DAB1: variants seen among roughly 807,000 people sequenced by gnomAD.
The protein encoded by DAB1 is DAB adaptor protein 1.
Under a neutral mutation model 64.6 loss-of-function variants are expected in DAB1, and 15 were observed. The ratio of observed to expected loss-of-function variants is 0.23; its 90% CI spans 0.16 to 0.36. The LOEUF is 0.36. Ranked by LOEUF, DAB1 falls within the 10% of genes least tolerant of loss-of-function variation. The probability of loss-of-function intolerance (pLI) is 1.00; values close to 1 mark genes in which losing one functional copy is unlikely to be tolerated. For missense variants in DAB1, 596 were observed against 706.7 expected (o/e 0.84, Z 1.78); for synonymous variants, 235 against 251.9 (o/e 0.93, Z 0.64).
At chr1:57,736,306 T>C (rs1186806260) in intron 6 of DAB1, among the ~76,000 whole-genome samples, 2 of 152,206 alleles carry the variant, frequency 1.3e-5, no homozygotes, top group African/African-American at 4.8e-5. Context: ...CCAGTGAGGA[T>C]GCTAGGACCC....
At chr1:57,280,716 T>C (rs1671821220) in intron 2 of DAB1, among the ~76,000 whole-genome samples, 1 of 152,166 alleles carries the variant, frequency 6.6e-6, no homozygotes, top group Non-Finnish European at 1.5e-5. Context: ...CCAGACATGA[T>C]TGGACACACA....
chr1:57,357,323 C>T (rs1343615504), intron 1 of DAB1, among the ~76,000 whole-genome samples: 1 of 151,986 alleles, frequency 6.6e-6, no homozygotes, highest in African/African-American at 2.4e-5. Flanking sequence ...TGATCTGATG[C>T]ATAACCTTTA....
chr1:57,768,321 T>A (rs1312029544), intron 6 of DAB1, among the ~76,000 whole-genome samples: 3 of 151,934 alleles, frequency 2.0e-5, no homozygotes, highest in Admixed American at 2.0e-4. Context: ...GGTGATAATG[T>A]TAGGACTACC....
At chr1:58,452,712 C>T (rs1489719345) in intron 3 of DAB1, among the ~76,000 whole-genome samples, 2 of 151,470 alleles carry the variant, frequency 1.3e-5, no homozygotes, top group African/African-American at 4.9e-5. Flanking sequence ...TGTACTACTC[C>T]CAGCTACTCA....
chr1:57,707,105 C>A (rs12037604), intron 6 of DAB1, among the ~76,000 whole-genome samples: 44,607 of 151,646 alleles, frequency 0.29, 6,780 homozygotes, highest in East Asian at 0.45. Context: ...AAAAACCCCC[C>A]AAAAAACAGA....
intron 7 of DAB1, among the ~76,000 whole-genome samples, chr1:57,463,523 C>G (rs1372745337): frequency 6.6e-6 from 1 of 152,062 alleles, no homozygotes; most frequent in African/African-American, 2.4e-5. Context: ...AAGGGAAGAT[C>G]CCTAGGATGA....
intron 4 of DAB1, among the ~76,000 whole-genome samples, chr1:58,238,291 AATGCTTCCCAGAGGAAATG>A (rs573041775): frequency 1.5e-3 from 229 of 152,350 alleles, no homozygotes; most frequent in African/African-American, 5.4e-3. Flanking sequence ...AGTAACAAAG[AATGCTTCCCAGAGGAAATG>A]ATGCTTCCAT....
At chr1:58,095,233 C>T (rs969697114) in intron 5 of DAB1, among the ~76,000 whole-genome samples, 9 of 152,272 alleles carry the variant, frequency 5.9e-5, no homozygotes, top group East Asian at 1.9e-4. Flanking sequence ...ACAAACTCTT[C>T]GCATGTACTT....
chr1:58,259,933 T>G (rs1191297689), intron 4 of DAB1, among the ~76,000 whole-genome samples: 1 of 152,208 alleles, frequency 6.6e-6, no homozygotes, highest in Non-Finnish European at 1.5e-5. Flanking sequence ...TTATACATAT[T>G]AAACCATTTA....
chr1:57,621,579 G>GT (rs1315845956), intron 7 of DAB1, among the ~76,000 whole-genome samples: 1 of 152,026 alleles, frequency 6.6e-6, no homozygotes, highest in African/African-American at 2.4e-5. Context: ...CTAGGCGATT[G>GT]TAAGTTCCTC....
At chr1:58,145,085 A>G (rs1654512920) in intron 5 of DAB1, among the ~76,000 whole-genome samples, 1 of 152,228 alleles carries the variant, frequency 6.6e-6, no homozygotes, top group East Asian at 1.9e-4. Context: ...AACCTTTTGT[A>G]CTTGCTAAAT....
chr1:57,021,605 G>A (rs1480352939), intron 11 of DAB1, among the ~76,000 whole-genome samples: 1 of 152,162 alleles, frequency 6.6e-6, no homozygotes, highest in Non-Finnish European at 1.5e-5. Context: ...GGCCTACCCA[G>A]CCATGTGGAA....
intron 2 of DAB1, among the ~76,000 whole-genome samples, chr1:58,510,991 G>A (rs1426028570): frequency 6.6e-6 from 1 of 151,944 alleles, no homozygotes; most frequent in Non-Finnish European, 1.5e-5. Flanking sequence ...CAAATAAATG[G>A]AAAGACATCC....
At chr1:57,714,778 G>A (rs1310557432) in intron 6 of DAB1, among the ~76,000 whole-genome samples, 1 of 152,162 alleles carries the variant, frequency 6.6e-6, no homozygotes, top group African/African-American at 2.4e-5. Context: ...CTTGTAGGGT[G>A]TAAGCAAGAC....
chr1:57,062,293 G>A (rs372038038), intron 9 of DAB1, among the ~76,000 whole-genome samples: 15 of 152,066 alleles, frequency 9.9e-5, no homozygotes, highest in African/African-American at 3.4e-4. Context: ...TCACGCTTTG[G>A]CTGAACTTTT....
intron 7 of DAB1, among the ~76,000 whole-genome samples, chr1:57,627,067 T>C (rs1024487210): frequency 6.6e-6 from 1 of 152,080 alleles, no homozygotes; most frequent in Non-Finnish European, 1.5e-5. Context: ...TCCTCCCCAG[T>C]GTGAGGGAGA....
At chr1:57,835,881 A>G (rs751944028) in intron 1 of DAB1, among the ~76,000 whole-genome samples, 1 of 152,170 alleles carries the variant, frequency 6.6e-6, no homozygotes, top group Non-Finnish European at 1.5e-5. Context: ...TAGGTCACCA[A>G]TGCCCCATGA....
chr1:58,034,926 C>T (rs1036234403), intron 5 of DAB1, among the ~76,000 whole-genome samples: 5 of 152,200 alleles, frequency 3.3e-5, no homozygotes, highest in Admixed American at 6.5e-5. Flanking sequence ...GCTGCTTCTC[C>T]TCTCAAGTGG....
intron 2 of DAB1, among the ~76,000 whole-genome samples, chr1:57,194,994 T>C (rs1664506069): frequency 6.6e-6 from 1 of 152,140 alleles, no homozygotes; most frequent in African/African-American, 2.4e-5. Flanking sequence ...TGTAATAACT[T>C]TGGGTCTTGG....
Sources: gnomAD v4.1 joint callset for allele counts (sites outside exome capture counted in the v4.1 genomes callset) on GRCh38, gnomAD v4.1.1 for gene constraint, MANE v1.5 for transcripts, NCBI Gene and HGNC (gene_info 2026-07-23, HGNC 2026-07-21) for gene names.